SULF2: variants seen among roughly 807,000 people sequenced by gnomAD.
SULF2 encodes the protein sulfatase 2.
A neutral mutation model predicts 107.7 loss-of-function variants in SULF2; 52 were observed. The ratio of observed to expected loss-of-function variants is 0.48; its 90% confidence interval spans 0.39 to 0.61. The LOEUF (loss-of-function observed/expected upper bound fraction) is 0.61, where lower values mean the gene tolerates loss of function less well. Ranked by LOEUF, SULF2 falls within the 20% of genes least tolerant of loss-of-function variation. The pLI, the probability that SULF2 is intolerant of heterozygous loss-of-function variation, is 0.00. For missense variants in SULF2, 993 were observed against 1,177.3 expected (o/e 0.84, Z 2.29); for synonymous variants, 460 against 464.3 (o/e 0.99, Z 0.12).
intron 3 of SULF2, among the ~76,000 whole-genome samples, chr20:47,723,484 C>T (rs377040558): frequency 5.3e-5 from 8 of 152,138 alleles, no homozygotes; most frequent in African/African-American, 1.4e-4. Flanking sequence ...AGACAGGTAG[C>T]GGTCTGTGGC....
chr20:47,686,664 C>T (rs979248159), intron 5 of SULF2, among the ~76,000 whole-genome samples: 8 of 152,330 alleles, frequency 5.3e-5, no homozygotes, highest in Admixed American at 2.0e-4. Flanking sequence ...GTCGGGACTT[C>T]AGCAGCGTCT....
At chr20:47,764,412 T>C (rs2090483566) in intron 1 of SULF2, among the ~76,000 whole-genome samples, 1 of 152,186 alleles carries the variant, frequency 6.6e-6, no homozygotes, top group Non-Finnish European at 1.5e-5. Flanking sequence ...CAGCCCCTGT[T>C]AGTGCTTTGA....
In SULF2 at chr20:47,661,906, A is replaced by G. The variant is rs113134826; in HGVS notation, c.2371-10T>C. ...TCACTGCATTCATCAGCTGGTTGCAAAAAAGGTAGTCTGTCAACAAGGTAA... is the reference window on the plus strand; with the variant it reads ...TCACTGCATTCATCAGCTGGTTGCAGAAAAGGTAGTCTGTCAACAAGGTAA... On this transcript the variant is annotated splice_polypyrimidine_tract_variant and intron_variant, in intron 17 of 20. Coordinates refer to ENST00000688720, the MANE Select transcript of SULF2 (RefSeq NM_001387048.1). 24 of 1,540,774 alleles carry G rather than the reference A, an allele frequency of 1.6e-5. No individual in the cohort carries two copies. Among genetic ancestry groups the G allele is most frequent in the South Asian group, 2.4e-5 (2 of 82,304 alleles).
Position 47,665,188 on chromosome 20 carries a change from T to C in SULF2, c.1997+11A>G. The C allele has an allele frequency of 1.2e-6, 2 of 1,601,220 alleles. No individual in the cohort carries two copies. Among genetic ancestry groups the C allele is most frequent in the Non-Finnish European group, 1.7e-6 (2 of 1,168,144 alleles). ...TGGGGTCTTAGGGAGGTCCCTTTGC[T>C]ACTGCCTCACCTGATTTTGTGACAG... On this transcript the variant is annotated intron_variant, in intron 14 of 20. Coordinates refer to ENST00000688720, the MANE Select transcript of SULF2 (RefSeq NM_001387048.1).
chr20:47,697,009 C>A (rs942391686), intron 4 of SULF2, among the ~76,000 whole-genome samples: 1 of 152,184 alleles, frequency 6.6e-6, no homozygotes, highest in Non-Finnish European at 1.5e-5. Flanking sequence ...GTACACGCTG[C>A]GGCAAGGGGC....
chr20:47,782,128 G>A (rs1049659051), intron 1 of SULF2, among the ~76,000 whole-genome samples: 25 of 152,072 alleles, frequency 1.6e-4, no homozygotes, highest in African/African-American at 5.6e-4. Flanking sequence ...ACCCCTAACT[G>A]ATACTCCATT....
chr20:47,695,737 C>G (rs1482573326), intron 4 of SULF2, among the ~76,000 whole-genome samples: 1 of 152,196 alleles, frequency 6.6e-6, no homozygotes, highest in African/African-American at 2.4e-5. Context: ...CCTCAGCCTC[C>G]CAAGTAGCTG....
chr20:47,689,304 G>A (rs1240130991), intron 5 of SULF2, among the ~76,000 whole-genome samples: 1 of 152,234 alleles, frequency 6.6e-6, no homozygotes, highest in Admixed American at 6.5e-5. Flanking sequence ...ATAGAATGTG[G>A]CACAGTGATG....
At chr20:47,737,380 A>G (rs954829603) in intron 2 of SULF2, among the ~76,000 whole-genome samples, 1 of 152,152 alleles carries the variant, frequency 6.6e-6, no homozygotes, top group Non-Finnish European at 1.5e-5. Context: ...TCTTTTGGAA[A>G]CCAACCACCA....
At chr20:47,746,988 AAAAAAAAT>A (rs1364843163) in intron 2 of SULF2, among the ~76,000 whole-genome samples, 1 of 59,736 alleles carries the variant, frequency 1.7e-5, no homozygotes, top group African/African-American at 6.4e-5. Context: ...TAAATAAAAA[AAAAAAAAT>A]ATATATATAT....
chr20:47,672,421 G>A (rs1350326214), intron 10 of SULF2, 28 bp from the exon 11 acceptor site: 1 of 1,536,300 alleles, frequency 6.5e-7, no homozygotes. Flanking sequence ...GCCTCGGCCA[G>A]CTGCTCATCT....
chr20:47,762,674 T>C (rs1263133306), intron 1 of SULF2, among the ~76,000 whole-genome samples: 1 of 152,206 alleles, frequency 6.6e-6, no homozygotes, highest in Non-Finnish European at 1.5e-5. Flanking sequence ...AGGGCCTTTT[T>C]GGCCCTGGGC....
At chr20:47,752,709 CCACTGCAT>C (rs2090185562) in intron 2 of SULF2, among the ~76,000 whole-genome samples, 1 of 152,048 alleles carries the variant, frequency 6.6e-6, no homozygotes, top group Non-Finnish European at 1.5e-5. Context: ...AGTGATCACA[CCACTGCAT>C]TCCATCCTGG....
rs769007010 is a variant in SULF2, at chr20:47,736,954, G to A, written c.176-12C>T. The A allele has an allele frequency of 6.2e-7, 1 of 1,613,988 alleles. No individual in the cohort carries two copies. On this transcript the variant is annotated splice_polypyrimidine_tract_variant and intron_variant, in intron 2 of 20. Coordinates refer to ENST00000688720, the MANE Select transcript of SULF2 (RefSeq NM_001387048.1). ...CACCTGCATGGAACCTGCAAGTCAAGGGTGGAAGTAAGGCGCAGGGCAGGA... is the reference window on the plus strand; with the variant it reads ...CACCTGCATGGAACCTGCAAGTCAAAGGTGGAAGTAAGGCGCAGGGCAGGA...
intron 12 of SULF2, 27 bp from the exon 13 acceptor site, chr20:47,665,980 G>A (rs762308623): frequency 8.7e-6 from 14 of 1,609,822 alleles, no homozygotes; most frequent in Non-Finnish European, 1.2e-5. Flanking sequence ...ATCACGTGTG[G>A]CTCGGAGGTG....
At chr20:47,687,199 CG>C in intron 5 of SULF2, among the ~76,000 whole-genome samples, 1 of 152,216 alleles carries the variant, frequency 6.6e-6, no homozygotes, top group African/African-American at 2.4e-5. Flanking sequence ...AGCCCCGGCT[CG>C]GAGAGAGCGC....
intron 1 of SULF2, among the ~76,000 whole-genome samples, chr20:47,767,990 C>G (rs1418469059): frequency 6.6e-6 from 1 of 152,138 alleles, no homozygotes; most frequent in Non-Finnish European, 1.5e-5. Flanking sequence ...AGTTCTGGAG[C>G]TACAATGCTA....
intron 13 of SULF2, 78 bp from the exon 14 acceptor site, chr20:47,665,371 C>T (rs889831780): frequency 1.9e-5 from 18 of 955,510 alleles, no homozygotes; most frequent in South Asian, 1.4e-4. Context: ...ACTGCCCCCA[C>T]GCTGCCGTGT....
intron 1 of SULF2, among the ~76,000 whole-genome samples, chr20:47,769,725 T>C (rs2090593400): frequency 6.6e-6 from 1 of 152,132 alleles, no homozygotes; most frequent in African/African-American, 2.4e-5. Context: ...CAAAATAAAT[T>C]ACACAACATA....
Sources: gnomAD v4.1 joint callset for allele counts (sites outside exome capture counted in the v4.1 genomes callset) on GRCh38, gnomAD v4.1.1 for gene constraint, MANE v1.5 for transcripts, NCBI Gene and HGNC (gene_info 2026-07-23, HGNC 2026-07-21) for gene names.